MORN1: variants seen among roughly 807,000 people sequenced by gnomAD.
MORN1 encodes the protein MORN repeat-containing protein 1.
A neutral mutation model predicts 61.9 loss-of-function variants in MORN1; 67 were observed. That is an observed-to-expected ratio of 1.08 (90% CI 0.89 to 1.33). The LOEUF (loss-of-function observed/expected upper bound fraction) is 1.33, where lower values mean the gene tolerates loss of function less well. Ranked by LOEUF, MORN1 falls within the 40% of genes most tolerant of loss-of-function variation. MORN1 has a pLI of 0.00. For missense variants in MORN1, 752 were observed against 691.2 expected, an observed-to-expected ratio of 1.09 and a Z score of -0.99; for synonymous variants, 301 against 292.0, an observed-to-expected ratio of 1.03 and a Z score of -0.31.
chr1:2,324,162 G>A lies in MORN1; in HGVS notation c.1251-19C>T, dbSNP rs1386400779. On this transcript the variant is annotated intron_variant, in intron 12 of 13. Transcript: ENST00000378531. ...CTCAGGCCTGTGGAGACGACACAGT[G>A]AGGCCCCTGAATGCCCTGCCTGGGC... is the stretch of plus-strand genomic sequence containing the variant. The A allele has an allele frequency of 5.0e-6, 8 of 1,590,572 alleles. No individual in the cohort carries two copies. Among genetic ancestry groups the A allele is most frequent in the Non-Finnish European group, 5.1e-6 (6 of 1,169,726 alleles).
At chr1:2,351,717 A>T (rs1191765873) in intron 10 of MORN1, 3 of 501,166 alleles carry the variant, frequency 6.0e-6, no homozygotes, top group Non-Finnish European at 1.2e-5. Flanking sequence ...CATCTTTCTG[A>T]ACTCATCACA....
At chr1:2,385,444 G>A in intron 5 of MORN1, 1 of 395,484 alleles carries the variant, frequency 2.5e-6, no homozygotes, top group Non-Finnish European at 4.6e-6. Context: ...GGCGGAGGCG[G>A]GAGGCTCTGC....
In MORN1 at chr1:2,337,816, T is replaced by G. The variant is rs1446815790; in HGVS notation, c.1037-966A>C. On this transcript the variant is annotated intron_variant, in intron 10 of 13. Coordinates refer to ENST00000378531, the MANE Select transcript of MORN1 (RefSeq NM_024848.3). The surrounding 1 kb of genome is among the most constrained non-coding windows in gnomAD (Gnocchi z 5.7). Reference sequence around the variant, plus strand: ...CAGAGCTGGCTGGACAGGGGAGTTCTGAGAGGGAGGCAGGGGCTGGGGCGG... The same window carrying G: ...CAGAGCTGGCTGGACAGGGGAGTTCGGAGAGGGAGGCAGGGGCTGGGGCGG... Among the ~76,000 whole-genome samples, 2 of 151,946 alleles carry G rather than the reference T, an allele frequency of 1.3e-5. No homozygotes were observed. The highest frequency in any genetic ancestry group is 2.4e-5 in the African/African-American group (1 of 41,362).
At chr1:2,365,766 A>G (rs944851773) in intron 8 of MORN1, among the ~76,000 whole-genome samples, 2 of 152,194 alleles carry the variant, frequency 1.3e-5, no homozygotes, top group African/African-American at 4.8e-5. Flanking sequence ...GCAAATCAAA[A>G]CCACAATGAG....
chr1:2,374,806 A>G, intron 6 of MORN1: 1 of 471,882 alleles, frequency 2.1e-6, no homozygotes, highest in Non-Finnish European at 3.8e-6. Flanking sequence ...AGGTATGGGA[A>G]CAACGGCACA....
intron 8 of MORN1, among the ~76,000 whole-genome samples, chr1:2,362,902 T>A (rs546430636): frequency 6.6e-6 from 1 of 151,602 alleles, no homozygotes; most frequent in South Asian, 2.1e-4. Flanking sequence ...TTTCCAGACA[T>A]ACAAAAGCGG....
In MORN1 at chr1:2,357,217, CG is replaced by C. The variant is rs1641793969; in HGVS notation, c.1036+214del. ...CAGCCCCTGCCAGGCTCACGGCAGA[CG>C]AACAATCGGCTTGAGCCTCCGCAGC... On this transcript the variant is annotated intron_variant, in intron 10 of 13. Coordinates refer to ENST00000378531, the MANE Select transcript of MORN1 (RefSeq NM_024848.3). This position sits in a 1 kb window ranked among gnomAD's most constrained non-coding sequence, Gnocchi z 6.3. 6.6e-6 allele frequency among the ~76,000 whole-genome samples: 1 copy of C among 152,208 alleles called. No individual in the cohort carries two copies. The highest frequency in any genetic ancestry group is 2.4e-5 in the African/African-American group (1 of 41,452).
chr1:2,332,075 T>A (rs1641170920), intron 12 of MORN1: 1 of 168,318 alleles, frequency 5.9e-6, no homozygotes, highest in African/African-American at 2.4e-5. Flanking sequence ...GTCGATTTTT[T>A]TTTCAGTCAT....
chr1:2,344,495 C>A (rs562561810), intron 10 of MORN1, among the ~76,000 whole-genome samples: 1 of 152,150 alleles, frequency 6.6e-6, no homozygotes, highest in Non-Finnish European at 1.5e-5. Context: ...TGCAGGAGCC[C>A]CAAGGCCGAT....
intron 5 of MORN1, 143 bp downstream of exon 5, chr1:2,385,664 G>T (rs1277403361): frequency 1.0e-5 from 7 of 683,394 alleles, no homozygotes; most frequent in South Asian, 1.8e-5. Flanking sequence ...TTGGCACTGG[G>T]GGGGTGGCGG....
In MORN1 at chr1:2,357,326, G is replaced by T; in HGVS notation, c.1036+106C>A. ...CGCGTGATGACTGACCCTGGGTGCG[G>T]CTTGCTCCTGCTCTGGCCTGGTTCT... is the stretch of plus-strand genomic sequence containing the variant. On this transcript the variant is annotated intron_variant, in intron 10 of 13. Coordinates refer to ENST00000378531, the MANE Select transcript of MORN1 (RefSeq NM_024848.3). The surrounding 1 kb of genome is among the most constrained non-coding windows in gnomAD (Gnocchi z 6.3). The T allele has an allele frequency of 7.7e-7, 1 of 1,291,534 alleles. No individual in the cohort carries two copies. Among genetic ancestry groups the T allele is most frequent in the Non-Finnish European group, 1.1e-6 (1 of 943,952 alleles). 80.0% of individuals were successfully genotyped at this position (1,291,534 alleles called of 1,614,324 possible).
intron 2 of MORN1, among the ~76,000 whole-genome samples, chr1:2,389,272 T>G (rs1642585853): frequency 6.6e-6 from 1 of 152,218 alleles, no homozygotes; most frequent in Non-Finnish European, 1.5e-5. Flanking sequence ...ATACTTGCTT[T>G]TTTTGTTCTG....
chr1:2,335,347 G>GCACACT (rs915079158), intron 12 of MORN1, among the ~76,000 whole-genome samples: 2 of 152,184 alleles, frequency 1.3e-5, no homozygotes, highest in East Asian at 1.9e-4. Flanking sequence ...GGCGGCCCCG[G>GCACACT]CACACTCACA....
At chr1:2,324,454 G>A (rs147366352) in intron 12 of MORN1, among the ~76,000 whole-genome samples, 124 of 152,334 alleles carry the variant, frequency 8.1e-4, no homozygotes, top group African/African-American at 2.8e-3. Context: ...CTGACAAGGC[G>A]GAGGCCTCCC....
chr1:2,383,964 G>C (rs1027530570), intron 6 of MORN1, among the ~76,000 whole-genome samples: 1 of 152,196 alleles, frequency 6.6e-6, no homozygotes, highest in Non-Finnish European at 1.5e-5. Context: ...CCACCGCAGA[G>C]GGTCTGTCTC....
At chr1:2,358,495 G>A (rs572375923) in intron 9 of MORN1, 97 bp downstream of exon 9, 2 of 1,500,620 alleles carry the variant, frequency 1.3e-6, no homozygotes, top group South Asian at 2.4e-5. Context: ...CCAGGACTTA[G>A]CCCAGGTCTC....
At chr1:2,370,674 C>CT (rs34105463) in intron 8 of MORN1, among the ~76,000 whole-genome samples, 77 of 142,800 alleles carry the variant, frequency 5.4e-4, no homozygotes, top group Middle Eastern at 3.6e-3. Flanking sequence ...TTTTTTTCTT[C>CT]TTTTTTTTTT....
Position 2,385,071 on chromosome 1 carries a change from G to T in MORN1, c.450-6C>A, listed in dbSNP as rs985813990. Reference sequence around the variant, plus strand: ...CGTCGTACTTGTCACCGTTCCTGGGGGACACACGCACGGAGTCCACTCTCA... The same window carrying T: ...CGTCGTACTTGTCACCGTTCCTGGGTGACACACGCACGGAGTCCACTCTCA... On this transcript the variant is annotated splice_region_variant and splice_polypyrimidine_tract_variant and intron_variant, in intron 5 of 13. Coordinates refer to ENST00000378531, the MANE Select transcript of MORN1 (RefSeq NM_024848.3). 5.0e-6 allele frequency: 8 copies of T among 1,585,040 alleles called. No individual in the cohort carries two copies. Among genetic ancestry groups the T allele is most frequent in the Non-Finnish European group, 6.9e-6 (8 of 1,166,668 alleles).
intron 6 of MORN1, chr1:2,375,666 C>T (rs80233729): frequency 0.022 from 3,380 of 152,352 alleles, 52 homozygotes; most frequent in African/African-American, 0.039. Flanking sequence ...ACTGGCAGCC[C>T]GCGTGGGTGC....
Sources: allele counts gnomAD v4.1 joint callset (sites outside exome capture counted in the v4.1 genomes callset), GRCh38; gene constraint gnomAD v4.1.1; non-coding constraint Gnocchi (gnomAD v3.1); transcripts MANE v1.5; gene names NCBI Gene and HGNC (gene_info 2026-07-23, HGNC 2026-07-21).